GALNT13: variants seen among roughly 807,000 people sequenced by gnomAD.
The protein encoded by GALNT13 is UDP-GalNAc:polypeptide N-acetylgalactosaminyltransferase 13.
GALNT13 carries 28 observed loss-of-function variants against 64.2 expected under a neutral mutation model. The observed-to-expected ratio is 0.44, with a 90% CI of 0.32 to 0.60. The LOEUF (loss-of-function observed/expected upper bound fraction) is 0.60. GALNT13 is among the 20% of genes least tolerant of loss of function. The pLI is 0.05. For synonymous variants in GALNT13, 214 were observed against 224.6 expected, an observed-to-expected ratio of 0.95 and a Z score of 0.42; for missense variants, 577 against 669.8, an observed-to-expected ratio of 0.86 and a Z score of 1.53.
At chr2:154,189,046 T>G (rs1686418540) in intron 4 of GALNT13, among the ~76,000 whole-genome samples, 1 of 152,150 alleles carries the variant, frequency 6.6e-6, no homozygotes, top group African/African-American at 2.4e-5. Flanking sequence ...AAATTAAAAT[T>G]TTTGAATTAG....
the GALNT13 span, among the ~76,000 whole-genome samples, chr2:153,414,416 G>C: frequency 2.0e-5 from 3 of 150,174 alleles, no homozygotes; most frequent in African/African-American, 4.9e-5. Context: ...AAGTTACAGT[G>C]TCCTTTTAAA....
chr2:154,129,848 G>C (rs1434540887), intron 3 of GALNT13, among the ~76,000 whole-genome samples: 10 of 152,084 alleles, frequency 6.6e-5, no homozygotes. Context: ...GAGATCTCCT[G>C]ATCATCAACT....
the GALNT13 span, among the ~76,000 whole-genome samples, chr2:153,214,097 G>A: frequency 6.6e-6 from 1 of 152,042 alleles, no homozygotes; most frequent in Non-Finnish European, 1.5e-5. Flanking sequence ...GTATTATTCA[G>A]CAAAAGTTGA....
At chr2:153,240,068 A>G in the GALNT13 span, among the ~76,000 whole-genome samples, 2 of 152,166 alleles carry the variant, frequency 1.3e-5, no homozygotes, top group South Asian at 2.1e-4. Context: ...TCTAGCAACC[A>G]TTTATCCATT....
the GALNT13 span, among the ~76,000 whole-genome samples, chr2:153,157,671 T>G: frequency 1.3e-3 from 197 of 152,194 alleles, no homozygotes; most frequent in Non-Finnish European, 2.4e-3. Context: ...AACAGTAGAG[T>G]TCAAGTGTAA....
the GALNT13 span, among the ~76,000 whole-genome samples, chr2:153,246,890 A>G: frequency 6.6e-6 from 1 of 152,222 alleles, no homozygotes; most frequent in Non-Finnish European, 1.5e-5. Context: ...ACGGTGCTGT[A>G]TTCAAGAGAC....
chr2:153,327,551 G>T, the GALNT13 span, among the ~76,000 whole-genome samples: 1 of 151,364 alleles, frequency 6.6e-6, no homozygotes, highest in Non-Finnish European at 1.5e-5. Context: ...TTGATCTTCA[G>T]TCTCTGATAT....
intron 3 of GALNT13, among the ~76,000 whole-genome samples, chr2:154,043,115 A>C (rs1254238870): frequency 3.3e-5 from 5 of 152,212 alleles, no homozygotes; most frequent in Admixed American, 3.3e-4. Flanking sequence ...TGATGACAGC[A>C]GTAGTCTTTG....
chr2:153,937,078 G>A (rs1690988760), intron 2 of GALNT13, among the ~76,000 whole-genome samples: 1 of 151,982 alleles, frequency 6.6e-6, no homozygotes, highest in African/African-American at 2.4e-5. Flanking sequence ...TTATAATGGG[G>A]GTGCATTTAA....
downstream of GALNT13, among the ~76,000 whole-genome samples, chr2:154,454,260 A>T (rs1053957888): frequency 2.6e-5 from 4 of 152,168 alleles, no homozygotes; most frequent in Non-Finnish European, 5.9e-5. Flanking sequence ...TTTTCTAAGG[A>T]TCATATATCT....
chr2:154,369,128 A>G (rs1458606231), intron 9 of GALNT13, among the ~76,000 whole-genome samples: 3 of 152,050 alleles, frequency 2.0e-5, no homozygotes, highest in Admixed American at 6.6e-5. Context: ...AATAATGGTA[A>G]TATTAGGGAG....
chr2:153,430,838 T>C, the GALNT13 span, among the ~76,000 whole-genome samples: 1 of 151,996 alleles, frequency 6.6e-6, no homozygotes, highest in Non-Finnish European at 1.5e-5. Context: ...CTATTTAGGA[T>C]TATAAGAGGA....
At chr2:153,485,570 A>C in the GALNT13 span, among the ~76,000 whole-genome samples, 2,099 of 152,300 alleles carry the variant, frequency 0.014, 53 homozygotes, top group African/African-American at 0.048. Context: ...TTCAGAACTT[A>C]AATGAGGGAT....
chr2:154,255,023 C>T (rs554739411), intron 7 of GALNT13, among the ~76,000 whole-genome samples: 6 of 152,134 alleles, frequency 3.9e-5, no homozygotes, highest in South Asian at 4.2e-4. Flanking sequence ...AGATATGAAA[C>T]TAAGAGCTTG....
chr2:153,679,149 A>G, the GALNT13 span, among the ~76,000 whole-genome samples: 3 of 151,888 alleles, frequency 2.0e-5, no homozygotes, highest in African/African-American at 7.2e-5. Flanking sequence ...TTCCCACTAC[A>G]TATGTCTTTA....
chr2:153,968,172 G>T (rs986798381), intron 3 of GALNT13, among the ~76,000 whole-genome samples: 1 of 152,100 alleles, frequency 6.6e-6, no homozygotes. Context: ...CAGTCACTGT[G>T]GCCTGGTTGC....
intron 2 of GALNT13, among the ~76,000 whole-genome samples, chr2:153,942,706 C>T (rs1010367430): frequency 6.9e-6 from 1 of 145,962 alleles, no homozygotes. Context: ...TATATATATA[C>T]ACATTCTGAA....
At chr2:153,272,371 A>G in the GALNT13 span, among the ~76,000 whole-genome samples, 1 of 151,374 alleles carries the variant, frequency 6.6e-6, no homozygotes, top group South Asian at 2.1e-4. Context: ...CAACTGACAA[A>G]GGGATAGTAT....
chr2:154,331,207 G>A (rs1695149218), intron 9 of GALNT13, among the ~76,000 whole-genome samples: 1 of 151,990 alleles, frequency 6.6e-6, no homozygotes, highest in South Asian at 2.1e-4. Context: ...TTAGAGAAGG[G>A]GGAAATATGT....
Sources: gnomAD v4.1 joint callset for allele counts (sites outside exome capture counted in the v4.1 genomes callset) on GRCh38, gnomAD v4.1.1 for gene constraint, MANE v1.5 for transcripts, NCBI Gene and HGNC (gene_info 2026-07-23, HGNC 2026-07-21) for gene names.